NAT1: variants seen among roughly 807,000 people sequenced by gnomAD.
NAT1 encodes N-acetyltransferase 1.
For missense variants in NAT1, 400 were observed against 339.2 expected (o/e 1.18, Z -1.41); for synonymous variants, 144 against 122.6 (o/e 1.17, Z -1.16).
At chr8:18,214,185 A>C (rs927519778) in intron 1 of NAT1, among the ~76,000 whole-genome samples, 2 of 150,754 alleles carry the variant, frequency 1.3e-5, no homozygotes, top group Non-Finnish European at 3.0e-5. Flanking sequence ...TAACTTTTCT[A>C]CTCTTTGTTC....
chr8:18,174,654 T>C (rs1161520324), intron 2 of NAT1, among the ~76,000 whole-genome samples: 1 of 152,064 alleles, frequency 6.6e-6, no homozygotes, highest in African/African-American at 2.4e-5. Flanking sequence ...GTTATTGTGA[T>C]TTTTCCCTGT....
rs958485505 is a variant in NAT1 at position 18,219,371 on chromosome 8, C to A, written c.-85-40C>A. 3.8e-6 allele frequency: 5 copies of A among 1,328,766 alleles called. No individual in the cohort carries two copies. The Admixed American group carries it at 7.2e-5, about 19-fold the overall frequency. The allele number at this position is 1,328,766 out of a possible 1,614,324, so 82.3% of individuals were successfully genotyped here. A position where few individuals can be genotyped will look rare whatever the true frequency, so the allele number is the denominator to read the frequency against. The stretch of plus-strand genomic sequence containing the variant: ...ACTATTATTTTGTTTTCAAGGAAGT[C>A]ATGTTATATATTTCTGACTGTCTTT... On this transcript the variant is annotated intron_variant, in intron 1 of 2. Transcript: ENST00000307719.
intron 2 of NAT1, among the ~76,000 whole-genome samples, chr8:18,203,015 G>A (rs544660939): frequency 4.5e-4 from 68 of 152,110 alleles, no homozygotes; most frequent in South Asian, 1.2e-3. Context: ...GACACAGAGC[G>A]AGATTGGTGT....
intron 2 of NAT1, among the ~76,000 whole-genome samples, chr8:18,191,708 CT>C (rs752887826): frequency 7.9e-5 from 12 of 152,284 alleles, no homozygotes; most frequent in Non-Finnish European, 1.8e-4. Context: ...ACTATCTGAT[CT>C]TTGACAAACC....
chr8:18,222,309 A>G lies in NAT1; in HGVS notation c.262A>G (p.Met88Val). ...ALTTIGFETT[M>V]LGGYVYSTPA... ...GACCACTATTGGTTTTGAGACCACG[A>G]TGTTGGGAGGGTATGTTTACAGCAC... The change falls in exon 3 of 3, where the codon ATG (methionine) becomes GTG (valine). Residue 88 changes from methionine to valine, a missense_variant. Physicochemically the swap from Met to Val is conservative, Grantham distance 21. Transcript: ENST00000307719. 1 of 1,614,086 alleles carries G rather than the reference A, an allele frequency of 6.2e-7. No homozygotes were observed. The highest frequency in any genetic ancestry group is 8.5e-7 in the Non-Finnish European group (1 of 1,180,002).
chr8:18,192,985 TATA>T (rs1166665504), intron 2 of NAT1, among the ~76,000 whole-genome samples: 9 of 149,924 alleles, frequency 6.0e-5, no homozygotes, highest in Non-Finnish European at 1.0e-4. Context: ...AAACTTAAAG[TATA>T]ATAATAATAA....
chr8:18,195,454 C>T, intron 2 of NAT1, among the ~76,000 whole-genome samples: 1 of 57,558 alleles, frequency 1.7e-5, no homozygotes, highest in East Asian at 3.0e-4. Context: ...TCTAGGCTCC[C>T]TTAACACCTG....
rs73666899 is a variant in NAT1, at chr8:18,203,923, A to G, written n.93-5858A>G. Among the ~76,000 whole-genome samples, 11 of 152,220 alleles carry G rather than the reference A, an allele frequency of 7.2e-5. No individual in the cohort carries two copies. The South Asian group carries it at 1.7e-3, about 23-fold the overall frequency. ...TAGACACGTTAAAGATGGTGGCTCC[A>G]TCTTCCCTTCTCTGCCAGTCACCTG... On this transcript the variant is annotated intron_variant and non_coding_transcript_variant, in intron 2 of 4. Coordinates refer to the NAT1 transcript ENST00000517441.
At chr8:18,200,409 T>C (rs1017649774) in intron 2 of NAT1, among the ~76,000 whole-genome samples, 3 of 152,186 alleles carry the variant, frequency 2.0e-5, no homozygotes, top group East Asian at 1.9e-4. Flanking sequence ...CTGGAGGCCA[T>C]TGTCCTAAGC....
chr8:18,193,453 T>C (rs961743029), intron 2 of NAT1, among the ~76,000 whole-genome samples: 60 of 132,148 alleles, frequency 4.5e-4, no homozygotes, highest in African/African-American at 1.3e-3. Context: ...TGAGACTCTG[T>C]CTAAAAAAAA....
chr8:18,202,047 A>T (rs1027695980), intron 2 of NAT1, among the ~76,000 whole-genome samples: 1 of 152,248 alleles, frequency 6.6e-6, no homozygotes, highest in Non-Finnish European at 1.5e-5. Context: ...TCTATAAAAG[A>T]AATCCCCATT....
chr8:18,215,791 G>C (rs760445737), intron 1 of NAT1, among the ~76,000 whole-genome samples: 4 of 152,060 alleles, frequency 2.6e-5, no homozygotes, highest in Non-Finnish European at 5.9e-5. Context: ...TTTGCTGCTT[G>C]AATCTGGTGT....
At chr8:18,207,598 T>A (rs1018626238), upstream of NAT1, among the ~76,000 whole-genome samples, 1 of 152,118 alleles carries the variant, frequency 6.6e-6, no homozygotes, top group Non-Finnish European at 1.5e-5. Flanking sequence ...ATGGCGGTTA[T>A]TAAAACATCA....
chr8:18,208,725 T>A (rs1803845333), upstream of NAT1, among the ~76,000 whole-genome samples: 1 of 152,288 alleles, frequency 6.6e-6, no homozygotes, highest in Non-Finnish European at 1.5e-5. Flanking sequence ...CTGACCCCAC[T>A]GCAGTGGAAC....
At chr8:18,190,915 A>G (rs1347511014) in intron 2 of NAT1, among the ~76,000 whole-genome samples, 2 of 151,956 alleles carry the variant, frequency 1.3e-5, no homozygotes, top group Non-Finnish European at 2.9e-5. Context: ...AAAAATACAA[A>G]AATTAGCTGG....
intron 2 of NAT1, among the ~76,000 whole-genome samples, chr8:18,204,140 C>T (rs1803600400): frequency 6.6e-6 from 1 of 151,238 alleles, no homozygotes; most frequent in African/African-American, 2.5e-5. Context: ...CAGTCCGCTG[C>T]CTCCTTGACT....
Position 18,222,714 on chromosome 8 carries a change from T to A in NAT1, c.667T>A (p.Cys223Ser). Reference sequence around the variant, plus strand: ...ATCTGTGTTTACTAGTAAATCATTTTGTTCCTTGCAGACCCCAGATGGGGT... The same window carrying A: ...ATCTGTGTTTACTAGTAAATCATTTAGTTCCTTGCAGACCCCAGATGGGGT... Reference protein sequence around the residue: ...PSSVFTSKSFCSLQTPDGVHC... With the variant: ...PSSVFTSKSFSSLQTPDGVHC... Residue 223 changes from cysteine (C) to serine (S), a missense_variant, in exon 3 of 3, where the codon TGT (cysteine) becomes AGT (serine). Coordinates refer to ENST00000307719, the MANE Select transcript of NAT1 (RefSeq NM_000662.8). The A allele has an allele frequency of 6.2e-7, 1 of 1,614,104 alleles. No individual in the cohort carries two copies. Among genetic ancestry groups the A allele is most frequent in the African/African-American group, 1.3e-5 (1 of 75,058 alleles).
chr8:18,211,351 G>C (rs1034071688), intron 1 of NAT1: 5 of 152,156 alleles, frequency 3.3e-5, no homozygotes, highest in African/African-American at 4.8e-5. Flanking sequence ...TGGTATACTT[G>C]TTTGCTCTTT....
chr8:18,213,853 G>A (rs1015527716), intron 1 of NAT1, among the ~76,000 whole-genome samples: 4 of 144,890 alleles, frequency 2.8e-5, no homozygotes, highest in East Asian at 2.0e-4. Flanking sequence ...TCTCACTCTC[G>A]CCCAGGCCGG....
Sources: allele counts gnomAD v4.1 joint callset (sites outside exome capture counted in the v4.1 genomes callset), GRCh38; gene constraint gnomAD v4.1.1; transcripts MANE v1.5; gene names NCBI Gene and HGNC (gene_info 2026-07-23, HGNC 2026-07-21).